The following IMMP2L variants were observed in gnomAD, a reference collection of about 807,000 sequenced individuals.
The protein encoded by IMMP2L is mitochondrial inner membrane protease subunit 2.
A neutral mutation model predicts 19.3 loss-of-function variants in IMMP2L; 18 were observed. That is an observed-to-expected ratio of 0.93 (90% confidence interval 0.64 to 1.38). IMMP2L has a LOEUF of 1.38. Ranked by LOEUF, IMMP2L falls within the 40% of genes most tolerant of loss-of-function variation. The pLI is 0.00. For missense variants in IMMP2L, 233 were observed against 218.2 expected (o/e 1.07, Z -0.43); for synonymous variants, 76 against 73.0 (o/e 1.04, Z -0.21).
At chr7:110,840,327 T>G (rs968222902) in intron 5 of IMMP2L, among the ~76,000 whole-genome samples, 1 of 152,116 alleles carries the variant, frequency 6.6e-6, no homozygotes. Context: ...TCCACCAAAT[T>G]GAATGTGCCA....
At chr7:111,175,851 T>C (rs1018870432) in intron 3 of IMMP2L, among the ~76,000 whole-genome samples, 1 of 151,756 alleles carries the variant, frequency 6.6e-6, no homozygotes, top group African/African-American at 2.4e-5. Flanking sequence ...TCCCACAGGA[T>C]GGGAGAAAAT....
At chr7:111,340,605 T>C (rs1826912699) in intron 3 of IMMP2L, among the ~76,000 whole-genome samples, 1 of 152,038 alleles carries the variant, frequency 6.6e-6, no homozygotes, top group Admixed American at 6.6e-5. Context: ...AGTCCACTCC[T>C]AGATTTATAC....
At chr7:111,400,821 C>G (rs960851916) in intron 3 of IMMP2L, among the ~76,000 whole-genome samples, 1 of 151,938 alleles carries the variant, frequency 6.6e-6, no homozygotes, top group Non-Finnish European at 1.5e-5. Flanking sequence ...AAACAAAATG[C>G]CTCAAGAGTA....
At chr7:110,845,984 T>C (rs1269488228) in intron 5 of IMMP2L, among the ~76,000 whole-genome samples, 1 of 152,162 alleles carries the variant, frequency 6.6e-6, no homozygotes, top group Non-Finnish European at 1.5e-5. Flanking sequence ...TCTTGTACTT[T>C]CCAGCCTGCA....
intron 5 of IMMP2L, among the ~76,000 whole-genome samples, chr7:110,677,524 C>G (rs1382541388): frequency 1.3e-5 from 2 of 152,110 alleles, no homozygotes; most frequent in Non-Finnish European, 2.9e-5. Context: ...CGGATAAACA[C>G]AACTCCTAAT....
chr7:111,221,241 A>T (rs1293460916), intron 3 of IMMP2L, among the ~76,000 whole-genome samples: 1 of 152,032 alleles, frequency 6.6e-6, no homozygotes, highest in Non-Finnish European at 1.5e-5. Flanking sequence ...ATAAAAACAA[A>T]AAGATATATA....
In IMMP2L at chr7:111,188,264, G is replaced by A. The variant is rs1156780318; in HGVS notation, c.240-224699C>T. Among the ~76,000 whole-genome samples the A allele has an allele frequency of 5.3e-5, 8 of 152,218 alleles. No homozygotes were observed. In the South Asian group the frequency reaches 1.5e-3, roughly 28 times the overall value. ...GTGCTCCTGTCTTAGTACAGGCTGC[G>A]ATTAACAAAGTGCCATAAATTGGGT... On this transcript the variant is annotated intron_variant, in intron 3 of 5. Transcript: ENST00000405709.
intron 3 of IMMP2L, among the ~76,000 whole-genome samples, chr7:111,114,766 A>G (rs1336494667): frequency 1.3e-5 from 2 of 151,900 alleles, no homozygotes; most frequent in Admixed American, 6.6e-5. Context: ...AAGAAAGAAA[A>G]AAAAAGAAAT....
intron 3 of IMMP2L, among the ~76,000 whole-genome samples, chr7:111,380,874 T>G (rs1831133145): frequency 6.6e-6 from 1 of 151,186 alleles, no homozygotes; most frequent in African/African-American, 2.5e-5. Flanking sequence ...CTCAGTATTC[T>G]CCACAAAAAA....
In IMMP2L at chr7:111,363,999, T is replaced by TC. The variant is rs145389765; in HGVS notation, c.239+123238dup. Among the ~76,000 whole-genome samples the TC allele has an allele frequency of 9.4e-4, 142 of 151,276 alleles. 4 individuals are homozygous for TC. Among genetic ancestry groups the TC allele is most frequent in the Admixed American group, 3.9e-3 (59 of 15,132 alleles). ...TTTTCCAGAAAACTTTCATGTAAGA[T>TC]CCCCCCCCACACACACACATCTACC... On this transcript the variant is annotated intron_variant, in intron 3 of 5. Coordinates refer to ENST00000405709, the MANE Select transcript of IMMP2L (RefSeq NM_032549.4).
intron 3 of IMMP2L, among the ~76,000 whole-genome samples, chr7:111,446,967 A>T (rs1838534105): frequency 6.6e-6 from 1 of 150,512 alleles, no homozygotes; most frequent in South Asian, 2.1e-4. Flanking sequence ...GCAATGGAAG[A>T]TGAAACGAAT....
chr7:110,889,612 C>G (rs1810580110), intron 4 of IMMP2L, among the ~76,000 whole-genome samples: 1 of 152,168 alleles, frequency 6.6e-6, no homozygotes, highest in Non-Finnish European at 1.5e-5. Context: ...AGGCCACAGA[C>G]CAGTACCAGT....
chr7:110,891,022 A>T (rs1160342364), intron 4 of IMMP2L, among the ~76,000 whole-genome samples: 1 of 152,040 alleles, frequency 6.6e-6, no homozygotes, highest in South Asian at 2.1e-4. Flanking sequence ...ATAATTCATG[A>T]TTGATTTAAG....
chr7:111,498,527 T>TA lies in IMMP2L; in HGVS notation c.136-11187dup, dbSNP rs952447739. 2.6e-4 allele frequency among the ~76,000 whole-genome samples: 37 copies of TA among 142,888 alleles called. 1 individual carries two copies. The highest frequency in any genetic ancestry group is 7.1e-3 in the Middle Eastern group (2 of 282). 93.7% of individuals were successfully genotyped at this position (142,888 alleles called of 152,430 possible). On this transcript the variant is annotated intron_variant, in intron 2 of 5. Transcript: ENST00000405709. Reference sequence around the variant, plus strand: ...CCACTTTTCTGTCTCCTAACCTAATTAAAAAAAAAAAGGTCATAGTAAGGT... The same window carrying TA: ...CCACTTTTCTGTCTCCTAACCTAATTAAAAAAAAAAAAGGTCATAGTAAGGT...
chr7:111,288,834 T>G (rs1820778456), intron 3 of IMMP2L, among the ~76,000 whole-genome samples: 1 of 152,222 alleles, frequency 6.6e-6, no homozygotes, highest in East Asian at 1.9e-4. Flanking sequence ...TGTAAATTAG[T>G]TCAACTATTG....
intron 3 of IMMP2L, among the ~76,000 whole-genome samples, chr7:111,322,799 T>TTC (rs1351785931): frequency 6.6e-6 from 1 of 151,826 alleles, no homozygotes; most frequent in African/African-American, 2.4e-5. Context: ...GTAAAAGCAC[T>TTC]TCTCCAAAGA....
intron 3 of IMMP2L, among the ~76,000 whole-genome samples, chr7:111,337,348 T>C (rs748570870): frequency 1.3e-5 from 2 of 152,154 alleles, no homozygotes; most frequent in Admixed American, 6.6e-5. Flanking sequence ...ATAGAAATTA[T>C]GCCATAATCA....
At chr7:111,149,631 T>C (rs1468901561) in intron 3 of IMMP2L, among the ~76,000 whole-genome samples, 1 of 152,194 alleles carries the variant, frequency 6.6e-6, no homozygotes, top group Non-Finnish European at 1.5e-5. Context: ...ATTCAAATTG[T>C]TGCAAATGTC....
chr7:111,052,229 T>C (rs899847796), intron 3 of IMMP2L, among the ~76,000 whole-genome samples: 1 of 152,224 alleles, frequency 6.6e-6, no homozygotes, highest in African/African-American at 2.4e-5. Flanking sequence ...AGAGAATCCC[T>C]TTCCCTTTCC....
Sources: gnomAD v4.1 joint callset for allele counts (sites outside exome capture counted in the v4.1 genomes callset) on GRCh38, gnomAD v4.1.1 for gene constraint, MANE v1.5 for transcripts, NCBI Gene and HGNC (gene_info 2026-07-23, HGNC 2026-07-21) for gene names.